The following HPSE2 variants were observed in gnomAD, a reference collection of about 807,000 sequenced individuals.
The protein encoded by HPSE2 is inactive heparanase-2.
HPSE2 carries 38 observed loss-of-function variants against 60.5 expected under a neutral mutation model. The observed-to-expected ratio is 0.63, with a 90% CI of 0.48 to 0.82. The LOEUF is 0.82. Ranked by LOEUF, HPSE2 falls within the 40% of genes least tolerant of loss-of-function variation. HPSE2 has a pLI of 0.00. For synonymous variants in HPSE2, 295 were observed against 293.2 expected (o/e 1.01, Z -0.06); for missense variants, 713 against 740.4 (o/e 0.96, Z 0.43).
rs559360911 is a variant in HPSE2 at position 99,138,896 on chromosome 10, A to G, written c.610+5342T>C. ...CCCCAGAAATTAATCATTTTTTTAA[A>G]AGAGGCTAAAGGTATGCAATCCAAC... On this transcript the variant is annotated intron_variant, in intron 3 of 11. Transcript: ENST00000370552. 1.5e-4 allele frequency among the ~76,000 whole-genome samples: 23 copies of G among 152,314 alleles called. No individual in the cohort carries two copies. The East Asian group carries it at 3.9e-3, about 26-fold the overall frequency.
rs571008276 is a variant in HPSE2 at position 99,206,125 on chromosome 10, A to G, written c.448+26223T>C. On this transcript the variant is annotated intron_variant, in intron 2 of 11. Coordinates refer to ENST00000370552, the MANE Select transcript of HPSE2 (RefSeq NM_021828.5). ...GCAGATGTCCACCATTTCAAGATAG[A>G]TAAATCCAGCATAAAGATCATTATG... Among the ~76,000 whole-genome samples the G allele has an allele frequency of 2.7e-4, 41 of 152,338 alleles. 1 individual carries two copies. The highest frequency in any genetic ancestry group is 2.4e-3 in the Admixed American group (37 of 15,306).
rs1844769102 is a variant in HPSE2 at position 99,117,751 on chromosome 10, G to A, written c.610+26487C>T. Among the ~76,000 whole-genome samples the A allele has an allele frequency of 1.3e-5, 2 of 151,928 alleles. 1 individual carries two copies. Among genetic ancestry groups the A allele is most frequent in the South Asian group, 4.1e-4 (2 of 4,820 alleles). On this transcript the variant is annotated intron_variant, in intron 3 of 11. Coordinates refer to ENST00000370552, the MANE Select transcript of HPSE2 (RefSeq NM_021828.5). ...AGCCTAACACCCCAAAAAAGCCCAG[G>A]AACAAACAGATTCACAGTCGAATTC...
chr10:99,305,969 G>GCACACACACACACACACACACACA, the HPSE2 span, among the ~76,000 whole-genome samples: 2 of 50,916 alleles, frequency 3.9e-5, no homozygotes, highest in Non-Finnish European at 7.9e-5. Context: ...ACACGCGCGC[G>GCACACACACACACACACACACACA]CGCGCGCGCG....
At position 99,232,568 on chromosome 10, in the gene HPSE2, G is replaced by C. The variant is rs372212556; in HGVS notation, c.291-63C>G. The C allele has an allele frequency of 1.1e-5, 17 of 1,515,848 alleles. No individual in the cohort carries two copies. The South Asian group carries it at 2.0e-4, about 18-fold the overall frequency. The allele number at this position is 1,515,848 out of a possible 1,614,324, so 93.9% of individuals were successfully genotyped here. ...GACAGGACGAGAGCGCGTGGGGCAC[G>C]GAGAAGGGCCCTCTTCCTACTCCCT... On this transcript the variant is annotated intron_variant, in intron 1 of 11. Transcript: ENST00000370552.
intron 11 of HPSE2, among the ~76,000 whole-genome samples, chr10:98,475,700 T>C (rs1591234195): frequency 2.2e-5 from 3 of 134,082 alleles, no homozygotes; most frequent in African/African-American, 9.6e-5. Context: ...TCTAGAGTCA[T>C]TGCTGGTTTT....
chr10:98,989,422 C>G (rs1179592132), intron 3 of HPSE2, among the ~76,000 whole-genome samples: 1 of 150,154 alleles, frequency 6.7e-6, no homozygotes, highest in East Asian at 2.0e-4. Flanking sequence ...TGCATGTTCT[C>G]ACTCATAGGT....
At chr10:98,727,702 A>G (rs1949124015) in intron 4 of HPSE2, among the ~76,000 whole-genome samples, 1 of 152,004 alleles carries the variant, frequency 6.6e-6, no homozygotes, top group South Asian at 2.1e-4. Context: ...ACTAAAAATA[A>G]TAAAGAGCTA....
At chr10:99,281,669 G>A in the HPSE2 span, among the ~76,000 whole-genome samples, 741 of 152,246 alleles carry the variant, frequency 4.9e-3, no homozygotes, top group East Asian at 0.019. Context: ...TATCATTAAA[G>A]GTTGTGATTA....
intron 11 of HPSE2, among the ~76,000 whole-genome samples, chr10:98,474,999 A>G (rs1300285930): frequency 6.6e-6 from 1 of 152,220 alleles, no homozygotes; most frequent in Non-Finnish European, 1.5e-5. Flanking sequence ...ATGGCCTAGC[A>G]ATAGAAAGAT....
chr10:98,970,124 G>A (rs547715505), intron 3 of HPSE2, among the ~76,000 whole-genome samples: 28 of 152,184 alleles, frequency 1.8e-4, no homozygotes, highest in Non-Finnish European at 4.0e-4. Context: ...ACCACACCAG[G>A]CTAATTTTTG....
chr10:99,188,955 T>A (rs1354923596), intron 2 of HPSE2, among the ~76,000 whole-genome samples: 1 of 152,188 alleles, frequency 6.6e-6, no homozygotes, highest in East Asian at 1.9e-4. Flanking sequence ...CATGACTTTT[T>A]CCTCTTTTAA....
At chr10:98,621,703 G>C (rs1418319682) in intron 7 of HPSE2, among the ~76,000 whole-genome samples, 1 of 152,260 alleles carries the variant, frequency 6.6e-6, no homozygotes, top group East Asian at 1.9e-4. Flanking sequence ...ACAAGGGAAA[G>C]CATGAGTAGC....
intron 3 of HPSE2, among the ~76,000 whole-genome samples, chr10:98,835,238 C>G (rs569879401): frequency 2.0e-5 from 3 of 152,130 alleles, no homozygotes; most frequent in Non-Finnish European, 2.9e-5. Flanking sequence ...AGTACCTAAT[C>G]AGCAAAATTC....
At chr10:99,154,587 C>G (rs565157234) in intron 2 of HPSE2, among the ~76,000 whole-genome samples, 17 of 151,518 alleles carry the variant, frequency 1.1e-4, no homozygotes, top group African/African-American at 1.5e-4. Flanking sequence ...TGCCCTAAAA[C>G]AGCTCCTGAA....
chr10:98,845,582 T>C (rs1952015505), intron 3 of HPSE2, among the ~76,000 whole-genome samples: 1 of 152,234 alleles, frequency 6.6e-6, no homozygotes, highest in Non-Finnish European at 1.5e-5. Flanking sequence ...CATTTTATAT[T>C]TTCCATGGTG....
intron 3 of HPSE2, among the ~76,000 whole-genome samples, chr10:98,790,566 C>A (rs1175154296): frequency 6.6e-6 from 1 of 152,058 alleles, no homozygotes; most frequent in Non-Finnish European, 1.5e-5. Flanking sequence ...TTTTGGTGAT[C>A]CATTGTACTG....
chr10:98,949,930 CA>C (rs1276049415), intron 3 of HPSE2, among the ~76,000 whole-genome samples: 1 of 152,094 alleles, frequency 6.6e-6, no homozygotes, highest in Non-Finnish European at 1.5e-5. Flanking sequence ...AAAATGATAA[CA>C]GCATTTATGT....
At chr10:99,110,234 C>T (rs779544476) in intron 3 of HPSE2, among the ~76,000 whole-genome samples, 1 of 152,190 alleles carries the variant, frequency 6.6e-6, no homozygotes, top group South Asian at 2.1e-4. Flanking sequence ...GGTAGGCCCA[C>T]TTGAAAAAGA....
At chr10:99,048,070 C>T in intron 3 of HPSE2, 1 of 739,658 alleles carries the variant, frequency 1.4e-6, no homozygotes, top group South Asian at 1.5e-5. Flanking sequence ...CATGGGGGTA[C>T]CCAAATATGA....
Sources: gnomAD v4.1 joint callset for allele counts (sites outside exome capture counted in the v4.1 genomes callset) on GRCh38, gnomAD v4.1.1 for gene constraint, MANE v1.5 for transcripts, NCBI Gene and HGNC (gene_info 2026-07-23, HGNC 2026-07-21) for gene names.